The following PSAT1 variants were observed in gnomAD, a reference collection of about 807,000 sequenced individuals.
The protein encoded by PSAT1 is phosphoserine aminotransferase 1, also known as phosphoserine aminotransferase.
A neutral mutation model predicts 40.3 loss-of-function variants in PSAT1; 41 were observed. The ratio of observed to expected loss-of-function variants is 1.02; its 90% CI spans 0.79 to 1.32. The LOEUF is 1.32. Among genes scored for constraint, PSAT1 ranks in the 40% most tolerant of loss-of-function variants. PSAT1 has a pLI of 0.00. For missense variants in PSAT1, 406 were observed against 455.8 expected (o/e 0.89, Z 0.99); for synonymous variants, 147 against 170.5 (o/e 0.86, Z 1.07).
At chr9:78,304,710 G>C in intron 3 of PSAT1, 25 bp from the exon 4 acceptor site, 1 of 1,587,774 alleles carries the variant, frequency 6.3e-7, no homozygotes, top group African/African-American at 1.3e-5. Flanking sequence ...TTTATGTATT[G>C]ACTGTTACCT....
At chr9:78,320,428 C>T (rs1411635684) in intron 7 of PSAT1, among the ~76,000 whole-genome samples, 1 of 151,346 alleles carries the variant, frequency 6.6e-6, no homozygotes, top group Non-Finnish European at 1.5e-5. Flanking sequence ...ACCTACACAC[C>T]CACCCATCCA....
intron 4 of PSAT1, 65 bp downstream of exon 4, chr9:78,305,005 A>G: frequency 6.9e-7 from 1 of 1,454,486 alleles, no homozygotes; most frequent in Non-Finnish European, 9.5e-7. Context: ...ACCCAGGGCA[A>G]TCTGTAGTTT....
intron 4 of PSAT1, among the ~76,000 whole-genome samples, chr9:78,305,370 C>T (rs7867978): frequency 0.019 from 2,925 of 152,314 alleles, 98 homozygotes; most frequent in African/African-American, 0.066. Context: ...CTGCCTCGGC[C>T]TCCCAGAGTG....
At chr9:78,327,733 A>G (rs1828521935) in intron 7 of PSAT1, among the ~76,000 whole-genome samples, 1 of 152,194 alleles carries the variant, frequency 6.6e-6, no homozygotes, top group South Asian at 2.1e-4. Flanking sequence ...TGGAAGCTTC[A>G]TATATGTAGT....
chr9:78,304,962 G>A (rs1444236127), intron 4 of PSAT1, 22 bp downstream of exon 4: 1 of 1,608,616 alleles, frequency 6.2e-7, no homozygotes. Context: ...GAGCTGAGCT[G>A]GGTGGTGACG....
At chr9:78,298,001 G>C (rs1331978051) in intron 1 of PSAT1, among the ~76,000 whole-genome samples, 1 of 150,116 alleles carries the variant, frequency 6.7e-6, no homozygotes, top group African/African-American at 2.5e-5. Context: ...CCCTAAAGGC[G>C]TTCGAGTATT....
intron 6 of PSAT1, among the ~76,000 whole-genome samples, chr9:78,310,181 G>A (rs1367356651): frequency 2.6e-5 from 4 of 152,096 alleles, no homozygotes; most frequent in African/African-American, 7.2e-5. Context: ...GTGTATGACC[G>A]TTTAATCCTC....
chr9:78,297,491 C>A (rs1828043526), intron 1 of PSAT1, among the ~76,000 whole-genome samples: 1 of 152,228 alleles, frequency 6.6e-6, no homozygotes, highest in East Asian at 1.9e-4. Flanking sequence ...CGTGCAGCTG[C>A]CCCTGGCCCT....
chr9:78,318,423 C>T (rs1828379978), intron 7 of PSAT1, among the ~76,000 whole-genome samples: 1 of 152,164 alleles, frequency 6.6e-6, no homozygotes, highest in African/African-American at 2.4e-5. Flanking sequence ...TATTAGTTTC[C>T]TGGGGCTGGT....
intron 7 of PSAT1, among the ~76,000 whole-genome samples, chr9:78,323,115 G>T (rs558960255): frequency 5.3e-5 from 8 of 152,304 alleles, no homozygotes; most frequent in African/African-American, 1.7e-4. Context: ...CCATCAGTAG[G>T]GGTCTGATGA....
At chr9:78,303,712 CT>C (rs1828140230) in intron 3 of PSAT1, among the ~76,000 whole-genome samples, 1 of 152,136 alleles carries the variant, frequency 6.6e-6, no homozygotes, top group East Asian at 1.9e-4. Context: ...GGCCATACAT[CT>C]TTCAGGACAA....
intron 7 of PSAT1, among the ~76,000 whole-genome samples, chr9:78,320,926 G>T (rs1010324472): frequency 6.6e-6 from 1 of 152,096 alleles, no homozygotes; most frequent in African/African-American, 2.4e-5. Context: ...AGGACAGAAA[G>T]AACGGTGATA....
chr9:78,308,528 G>T lies in PSAT1; in HGVS notation c.685G>T (p.Glu229Ter). The T allele has an allele frequency of 6.2e-7, 1 of 1,614,026 alleles. No homozygotes were observed. Among genetic ancestry groups the T allele is most frequent in the Non-Finnish European group, 8.5e-7 (1 of 1,179,988 alleles). ...CCTCCGAGAGTGCCCCTCGGTCCTG[G>T]AATACAAGGTGCAGGCTGGAAACAG... ...FALRECPSVL[E>*]YKVQAGNSSL... Residue 229 changes from glutamate to a stop codon, truncating the protein, a stop_gained, in exon 6 of 9, where the codon GAA becomes TAA. Transcript: ENST00000376588. LOFTEE classifies it high-confidence loss of function.
At chr9:78,303,559 G>A (rs1471610907) in intron 3 of PSAT1, among the ~76,000 whole-genome samples, 2 of 151,998 alleles carry the variant, frequency 1.3e-5, no homozygotes, top group African/African-American at 2.4e-5. Flanking sequence ...CTAATTCTTG[G>A]CCTTGTTAAC....
At chr9:78,312,444 C>T (rs572352404) in intron 6 of PSAT1, among the ~76,000 whole-genome samples, 32 of 152,174 alleles carry the variant, frequency 2.1e-4, no homozygotes, top group African/African-American at 6.7e-4. Flanking sequence ...GTCTGTAATC[C>T]CAGCACTTTG....
intron 6 of PSAT1, among the ~76,000 whole-genome samples, chr9:78,313,808 C>A (rs972052667): frequency 1.1e-4 from 16 of 151,822 alleles, no homozygotes; most frequent in African/African-American, 3.9e-4. Flanking sequence ...CCATGCCTGG[C>A]TACATTAAAA....
chr9:78,302,389 G>T (rs1828119397), intron 3 of PSAT1, among the ~76,000 whole-genome samples: 1 of 152,070 alleles, frequency 6.6e-6, no homozygotes, highest in Non-Finnish European at 1.5e-5. Flanking sequence ...CGAAGTTTGA[G>T]TCTCATACGA....
intron 1 of PSAT1, 26 bp downstream of exon 1, chr9:78,297,296 G>C (rs1457497174): frequency 6.3e-7 from 1 of 1,586,232 alleles, no homozygotes; most frequent in East Asian, 2.3e-5. Flanking sequence ...CGGGCGCCGG[G>C]AGTGAGGTTC....
intron 1 of PSAT1, among the ~76,000 whole-genome samples, chr9:78,299,179 A>G (rs1353110615): frequency 7.0e-6 from 1 of 143,444 alleles, no homozygotes; most frequent in African/African-American, 2.6e-5. Flanking sequence ...AAAATTGGTT[A>G]TGATCCACAA....
Sources: allele counts gnomAD v4.1 joint callset (sites outside exome capture counted in the v4.1 genomes callset), GRCh38; gene constraint gnomAD v4.1.1; transcripts MANE v1.5; gene names NCBI Gene and HGNC (gene_info 2026-07-23, HGNC 2026-07-21).